ARL13B: variants seen among roughly 807,000 people sequenced by gnomAD.
ARL13B encodes the protein ADP-ribosylation factor-like protein 13B.
Under a neutral mutation model 56.1 loss-of-function variants are expected in ARL13B, and 36 were observed. That is an observed-to-expected ratio of 0.64 (90% CI 0.49 to 0.85). The LOEUF is 0.85. Ranked by LOEUF, ARL13B falls within the 40% of genes least tolerant of loss-of-function variation. ARL13B has a pLI of 0.00. For missense variants in ARL13B, 519 were observed against 507.1 expected (o/e 1.02, Z -0.23); for synonymous variants, 178 against 171.1 (o/e 1.04, Z -0.32).
intron 4 of ARL13B, 55 bp downstream of exon 4, chr3:94,035,491 A>G: frequency 8.0e-7 from 1 of 1,251,148 alleles, no homozygotes; most frequent in Non-Finnish European, 1.1e-6. Flanking sequence ...AAATAGGTTC[A>G]GTATAACTTG....
intron 2 of ARL13B, among the ~76,000 whole-genome samples, chr3:93,999,432 T>A (rs1559973807): frequency 6.6e-6 from 1 of 152,142 alleles, no homozygotes; most frequent in Non-Finnish European, 1.5e-5. Flanking sequence ...ATAGCTTTTT[T>A]TCCCTTTTTT....
chr3:94,045,026 GAA>G (rs915632668), intron 7 of ARL13B, among the ~76,000 whole-genome samples: 6 of 152,206 alleles, frequency 3.9e-5, no homozygotes, highest in African/African-American at 1.4e-4. Context: ...GTGGGGAAAA[GAA>G]AGAGAGATCA....
chr3:94,001,893 A>G (rs911342662), intron 2 of ARL13B, among the ~76,000 whole-genome samples: 1 of 152,232 alleles, frequency 6.6e-6, no homozygotes, highest in African/African-American at 2.4e-5. Context: ...AATGCCTAGT[A>G]TAATCCTATT....
chr3:94,018,188 A>G (rs924283766), intron 3 of ARL13B, among the ~76,000 whole-genome samples: 1 of 146,970 alleles, frequency 6.8e-6, no homozygotes, highest in Non-Finnish European at 1.5e-5. Flanking sequence ...ATAAGCCACC[A>G]TGCCTGGCCC....
chr3:94,042,814 C>T (rs545948348), intron 6 of ARL13B, among the ~76,000 whole-genome samples: 1 of 152,142 alleles, frequency 6.6e-6, no homozygotes, highest in East Asian at 1.9e-4. Context: ...TATTTGTTTG[C>T]TTTTGTTATA....
At chr3:93,982,269 A>G (rs1369715575) in intron 1 of ARL13B, among the ~76,000 whole-genome samples, 1 of 152,230 alleles carries the variant, frequency 6.6e-6, no homozygotes, top group Non-Finnish European at 1.5e-5. Context: ...AATTTTCTTA[A>G]TAAAGCATTA....
intron 9 of ARL13B, among the ~76,000 whole-genome samples, chr3:94,052,417 A>G (rs897767500): frequency 9.9e-5 from 15 of 152,118 alleles, no homozygotes; most frequent in Admixed American, 7.9e-4. Flanking sequence ...TACTGTGTAC[A>G]TGGGCAGTTA....
At chr3:94,021,441 C>T (rs1024977805) in intron 3 of ARL13B, among the ~76,000 whole-genome samples, 2 of 151,878 alleles carry the variant, frequency 1.3e-5, no homozygotes, top group Non-Finnish European at 2.9e-5. Flanking sequence ...GTGATCTGCC[C>T]GCCTCAGCCT....
At chr3:94,040,058 A>G (rs2076837119) in intron 6 of ARL13B, 70 bp downstream of exon 6, 1 of 1,363,800 alleles carries the variant, frequency 7.3e-7, no homozygotes, top group African/African-American at 1.4e-5. Flanking sequence ...GAAGGTGGAA[A>G]GTTGGGAAAG....
chr3:93,980,621 G>A, intron 1 of ARL13B, 139 bp downstream of exon 1: 1 of 1,059,332 alleles, frequency 9.4e-7, no homozygotes, highest in Non-Finnish European at 1.4e-6. Flanking sequence ...GGGTGTCCCG[G>A]GAGGGAGAGA....
chr3:94,014,232 AT>A, intron 3 of ARL13B: 1 of 536,596 alleles, frequency 1.9e-6, no homozygotes, highest in Non-Finnish European at 2.9e-6. Context: ...AGTTTCTGAA[AT>A]TTTAGTGGGT....
intron 1 of ARL13B, among the ~76,000 whole-genome samples, chr3:93,982,165 A>G (rs1050370987): frequency 5.3e-5 from 8 of 152,324 alleles, no homozygotes; most frequent in Non-Finnish European, 1.0e-4. Context: ...TTTTCTTAGC[A>G]GCTTTTGTAT....
chr3:94,039,973 A>T lies in ARL13B; in HGVS notation c.783A>T (p.Ala261=), dbSNP rs1239193677. 6.2e-7 allele frequency: 1 copy of T among 1,613,942 alleles called. No individual in the cohort carries two copies. The highest frequency in any genetic ancestry group is 1.7e-5 in the Admixed American group (1 of 60,012). Residue 261 remains alanine, a synonymous_variant, in exon 6 of 10, where the codon GCA becomes GCT. Transcript: ENST00000394222. ...PEPTNPFQPI[A]SVIIENEGKL... ...CAACGAATCCTTTCCAGCCAATAGC[A>T]TCTGTAATCATTGAGGTATGAATGA...
chr3:94,049,305 T>A (rs1416123992), intron 7 of ARL13B, 101 bp from the exon 8 acceptor site: 1 of 654,986 alleles, frequency 1.5e-6, no homozygotes, highest in African/African-American at 1.8e-5. Flanking sequence ...TCAAGATGTT[T>A]TTTGTTAATA....
At chr3:94,036,786 T>C in intron 5 of ARL13B, 32 bp downstream of exon 5, 2 of 1,581,216 alleles carry the variant, frequency 1.3e-6, no homozygotes, top group Non-Finnish European at 1.7e-6. Flanking sequence ...CACAGTGCAT[T>C]TGAAGGATCA....
chr3:94,040,198 A>C (rs2076838686), intron 6 of ARL13B, among the ~76,000 whole-genome samples: 1 of 152,214 alleles, frequency 6.6e-6, no homozygotes, highest in South Asian at 2.1e-4. Context: ...GAAAGGGGGA[A>C]TATGACTTCA....
At chr3:93,982,861 C>G (rs1225299201) in intron 1 of ARL13B, among the ~76,000 whole-genome samples, 1 of 152,088 alleles carries the variant, frequency 6.6e-6, no homozygotes. Flanking sequence ...ATAACATTAG[C>G]AAGTAGTTCC....
At chr3:93,997,789 C>T (rs1388985080) in intron 2 of ARL13B, among the ~76,000 whole-genome samples, 2 of 152,148 alleles carry the variant, frequency 1.3e-5, no homozygotes, top group African/African-American at 4.8e-5. Flanking sequence ...GAGTTCGAGA[C>T]CAGGCTGGCC....
In ARL13B at chr3:93,980,392, C is replaced by G. The variant is rs765494479; in HGVS notation, c.-32C>G. The G allele has an allele frequency of 2.5e-6, 4 of 1,610,126 alleles. No homozygotes were observed. Among genetic ancestry groups the G allele is most frequent in the Non-Finnish European group, 3.4e-6 (4 of 1,179,904 alleles). Reference sequence around the variant, plus strand: ...GGGGTGCCGGTGTCCGCTCCGGGCTCGGATGGGAAGTGGTGGGAGGAGCGA... The same window carrying G: ...GGGGTGCCGGTGTCCGCTCCGGGCTGGGATGGGAAGTGGTGGGAGGAGCGA... On this transcript the variant is annotated 5_prime_UTR_variant, in exon 1 of 10. Coordinates refer to ENST00000394222, the MANE Select transcript of ARL13B (RefSeq NM_001174150.2).
Sources: gnomAD v4.1 joint callset for allele counts (sites outside exome capture counted in the v4.1 genomes callset) on GRCh38, gnomAD v4.1.1 for gene constraint, MANE v1.5 for transcripts, NCBI Gene and HGNC (gene_info 2026-07-23, HGNC 2026-07-21) for gene names.